PRORP: variants seen among roughly 807,000 people sequenced by gnomAD.
PRORP encodes protein only RNase P catalytic subunit, also known as mitochondrial ribonuclease P catalytic subunit.
PRORP carries 51 observed loss-of-function variants against 59.4 expected under a neutral mutation model. That is an observed-to-expected ratio of 0.86 (90% CI 0.69 to 1.08). The LOEUF (loss-of-function observed/expected upper bound fraction) is 1.08, where lower values mean the gene tolerates loss of function less well. Ranked by LOEUF, PRORP falls within the 50% of genes least tolerant of loss-of-function variation. PRORP has a pLI of 0.00. For synonymous variants in PRORP, 231 were observed against 245.6 expected (o/e 0.94, Z 0.55); for missense variants, 646 against 690.3 (o/e 0.94, Z 0.72).
At chr14:35,259,729 A>G (rs1405918681) in intron 5 of PRORP, among the ~76,000 whole-genome samples, 1 of 151,998 alleles carries the variant, frequency 6.6e-6, no homozygotes, top group Non-Finnish European at 1.5e-5. Context: ...GGGCTTTACT[A>G]AAAATACAAA....
At chr14:35,197,139 C>G (rs1346278230) in intron 5 of PRORP, among the ~76,000 whole-genome samples, 1 of 152,110 alleles carries the variant, frequency 6.6e-6, no homozygotes, top group East Asian at 1.9e-4. Context: ...TGGCAAAATC[C>G]TAATAGCAAG....
intron 5 of PRORP, among the ~76,000 whole-genome samples, chr14:35,262,066 T>G (rs988942515): frequency 1.3e-5 from 2 of 152,228 alleles, no homozygotes; most frequent in Non-Finnish European, 2.9e-5. Flanking sequence ...AACCAGGATA[T>G]AGCTATGAAG....
intron 5 of PRORP, among the ~76,000 whole-genome samples, chr14:35,213,573 G>A (rs1390159278): frequency 6.6e-6 from 1 of 152,112 alleles, no homozygotes; most frequent in Non-Finnish European, 1.5e-5. Flanking sequence ...TTTATTTAAG[G>A]TAGGAAATGT....
intron 5 of PRORP, among the ~76,000 whole-genome samples, chr14:35,207,455 C>G (rs577264239): frequency 6.6e-6 from 1 of 152,324 alleles, no homozygotes; most frequent in African/African-American, 2.4e-5. Context: ...AAGCATACAA[C>G]ATTTTTAAAG....
At chr14:35,137,216 G>A (rs942134578) in intron 4 of PRORP, among the ~76,000 whole-genome samples, 1 of 145,422 alleles carries the variant, frequency 6.9e-6, no homozygotes, top group Non-Finnish European at 1.5e-5. Context: ...TCAAGGGAGG[G>A]TTTAGAGAGA....
At chr14:35,247,246 G>C (rs1407235028) in intron 5 of PRORP, among the ~76,000 whole-genome samples, 1 of 151,978 alleles carries the variant, frequency 6.6e-6, no homozygotes, top group African/African-American at 2.4e-5. Flanking sequence ...TCCTTCCACC[G>C]CAGAGCTGCA....
chr14:35,133,379 T>C (rs1295630004), intron 4 of PRORP, among the ~76,000 whole-genome samples: 2 of 152,230 alleles, frequency 1.3e-5, no homozygotes, highest in African/African-American at 4.8e-5. Context: ...TCAATCTCTT[T>C]GTTAAATTTA....
chr14:35,273,271 G>A (rs979007780), intron 7 of PRORP, among the ~76,000 whole-genome samples, 164 bp from the exon 8 acceptor site: 1 of 152,154 alleles, frequency 6.6e-6, no homozygotes, highest in African/African-American at 2.4e-5. Flanking sequence ...TAATATTAGG[G>A]CTCATCTTCA....
intron 4 of PRORP, among the ~76,000 whole-genome samples, chr14:35,176,819 C>T (rs763787899): frequency 3.7e-4 from 56 of 152,190 alleles, no homozygotes; most frequent in South Asian, 6.2e-4. Context: ...TGTCTTGTGC[C>T]GGTTTTCAAA....
chr14:35,180,586 C>A, intron 4 of PRORP, 84 bp from the exon 5 acceptor site: 34 of 657,934 alleles, frequency 5.2e-5, no homozygotes, highest in Admixed American at 8.4e-5. Context: ...ATTATCAAAA[C>A]AATAATAAAG....
At chr14:35,158,533 T>C (rs2047976981) in intron 4 of PRORP, 3 of 227,560 alleles carry the variant, frequency 1.3e-5, no homozygotes, top group Non-Finnish European at 1.9e-5. Context: ...TTCTTAGATT[T>C]CTTTCATTAT....
At chr14:35,139,580 A>G (rs2047439833) in intron 4 of PRORP, among the ~76,000 whole-genome samples, 1 of 145,128 alleles carries the variant, frequency 6.9e-6, no homozygotes, top group African/African-American at 2.4e-5. Flanking sequence ...TTTCATTTTT[A>G]TAATTGAGTA....
At chr14:35,178,735 C>A (rs1318011116) in intron 4 of PRORP, among the ~76,000 whole-genome samples, 1 of 137,630 alleles carries the variant, frequency 7.3e-6, no homozygotes, top group Non-Finnish European at 1.6e-5. Flanking sequence ...AGCATTTAGC[C>A]CATTTACATT....
intron 5 of PRORP, among the ~76,000 whole-genome samples, chr14:35,183,196 T>C (rs1162642952): frequency 1.3e-5 from 2 of 150,246 alleles, no homozygotes; most frequent in African/African-American, 4.9e-5. Flanking sequence ...CCAAAAAATT[T>C]CTAGAAGTTT....
intron 3 of PRORP, 49 bp from the exon 4 acceptor site, chr14:35,127,430 A>G (rs2047125245): frequency 1.5e-6 from 2 of 1,375,376 alleles, no homozygotes; most frequent in East Asian, 2.7e-5. Flanking sequence ...TTTCCCCAGA[A>G]CATTATTCGA....
chr14:35,152,734 G>A (rs71523160), intron 4 of PRORP, among the ~76,000 whole-genome samples: 2 of 149,394 alleles, frequency 1.3e-5, no homozygotes, highest in East Asian at 2.0e-4. Flanking sequence ...GGGCAGAGAC[G>A]CTCCTCACCT....
chr14:35,214,869 T>C (rs1043251447), intron 5 of PRORP, among the ~76,000 whole-genome samples: 11 of 152,198 alleles, frequency 7.2e-5, no homozygotes, highest in Admixed American at 4.6e-4. Context: ...ATCGTGCCAC[T>C]GCACTCCAGC....
At chr14:35,166,307 C>G (rs1202025118) in intron 4 of PRORP, among the ~76,000 whole-genome samples, 1 of 151,998 alleles carries the variant, frequency 6.6e-6, no homozygotes. Flanking sequence ...TTTTGGATCT[C>G]TTTGCATCTC....
rs558749586 is a variant in PRORP, at chr14:35,273,286, G to A, written c.1621-149G>A. ...TAATATTAGGGCTCATCTTCACAGAGTTTGCTGCTGTTTGAAAATCCATTA... is the reference window on the plus strand; with the variant it reads ...TAATATTAGGGCTCATCTTCACAGAATTTGCTGCTGTTTGAAAATCCATTA... On this transcript the variant is annotated intron_variant, in intron 7 of 7. Coordinates refer to ENST00000534898, the MANE Select transcript of PRORP (RefSeq NM_014672.4). 28 of 701,482 alleles carry A rather than the reference G, an allele frequency of 4.0e-5. No individual in the cohort carries two copies. In the East Asian group the frequency reaches 9.1e-4, roughly 23 times the overall value. The allele number at this position is 701,482 out of a possible 1,614,324, so 43.5% of individuals were successfully genotyped here.
Sources: allele counts gnomAD v4.1 joint callset (sites outside exome capture counted in the v4.1 genomes callset), GRCh38; gene constraint gnomAD v4.1.1; transcripts MANE v1.5; gene names NCBI Gene and HGNC (gene_info 2026-07-23, HGNC 2026-07-21).